The following SERPINH1 variants were observed in gnomAD, a reference collection of about 807,000 sequenced individuals.
SERPINH1 encodes serpin family H member 1, also known as serpin H1.
Under a neutral mutation model 32.3 loss-of-function variants are expected in SERPINH1, and 22 were observed. The ratio of observed to expected loss-of-function variants is 0.68; its 90% confidence interval spans 0.49 to 0.97. The LOEUF is 0.97. SERPINH1 is among the 50% of genes least tolerant of loss of function. SERPINH1 has a pLI of 0.00. For synonymous variants in SERPINH1, 251 were observed against 245.9 expected, an observed-to-expected ratio of 1.02 and a Z score of -0.19; for missense variants, 543 against 576.4, an observed-to-expected ratio of 0.94 and a Z score of 0.59.
intron 4 of SERPINH1, among the ~76,000 whole-genome samples, chr11:75,569,612 G>A (rs559627757): frequency 5.3e-5 from 8 of 151,850 alleles, no homozygotes; most frequent in Non-Finnish European, 8.8e-5. Flanking sequence ...TAATAGAGAC[G>A]GGATTTCACC....
In SERPINH1 at chr11:75,569,103, A is replaced by G. The variant is rs1565243286; in HGVS notation, c.886A>G (p.Lys296Glu). ...AGAGCAGCTGAAGATCTGGATGGGG[A>G]AGATGCAGAAGAAGGCTGTTGCCAT... is the stretch of plus-strand genomic sequence containing the variant. The part of the protein sequence containing the change: ...TKEQLKIWMG[K>E]MQKKAVAISL... The change falls in exon 4 of 5, where the codon AAG (lysine) becomes GAG (glutamate). Residue 296 changes from lysine to glutamate, a missense_variant. Coordinates refer to ENST00000358171, the MANE Select transcript of SERPINH1 (RefSeq NM_001235.5). The G allele has an allele frequency of 6.2e-7, 1 of 1,614,046 alleles. No homozygotes were observed. Among genetic ancestry groups the G allele is most frequent in the Non-Finnish European group, 8.5e-7 (1 of 1,180,010 alleles).
chr11:75,566,907 C>T lies in SERPINH1; in HGVS notation c.558C>T (p.Pro186=), dbSNP rs535816918. ...CGCAGACCACCGACGGCAAGCTGCC[C>T]GAGGTCACCAAGGACGTGGAGCGCA... is the stretch of plus-strand genomic sequence containing the variant. ...WAAQTTDGKL[P]EVTKDVERTD... The change falls in exon 2 of 5, where the codon CCC becomes CCT. Residue 186 remains proline, a synonymous_variant. Coordinates refer to ENST00000358171, the MANE Select transcript of SERPINH1 (RefSeq NM_001235.5). 1.2e-6 allele frequency: 2 copies of T among 1,608,072 alleles called. No homozygotes were observed. The highest frequency in any genetic ancestry group is 1.3e-5 in the African/African-American group (1 of 75,054).
rs1426223421 is a variant in SERPINH1, at chr11:75,569,033, C to T, written c.816C>T (p.Pro272=). 6.2e-7 allele frequency: 1 copy of T among 1,614,228 alleles called. No homozygotes were observed. The highest frequency in any genetic ancestry group is 1.7e-5 in the Admixed American group (1 of 60,028). The change falls in exon 4 of 5, where the codon CCC becomes CCT. Residue 272 remains proline (P), a synonymous_variant. Transcript: ENST00000358171. ...HKLSSLIILM[P]HHVEPLERLE... is the part of the protein sequence containing the mutation. Reference sequence around the variant, plus strand: ...TCTCCAGCCTCATCATCCTCATGCCCCATCACGTGGAGCCTCTCGAGCGCC... The same window carrying T: ...TCTCCAGCCTCATCATCCTCATGCCTCATCACGTGGAGCCTCTCGAGCGCC...
rs1314939459 is a variant in SERPINH1 at position 75,566,676 on chromosome 11, C to T, written c.327C>T (p.Ala109=). ...AEQLRDEEVH[A]GLGELLRSLS... ...AGCTGCGCGACGAGGAGGTGCACGC[C>T]GGCCTGGGCGAGCTGCTGCGCTCAC... The change falls in exon 2 of 5, where the codon GCC becomes GCT. Residue 109 remains alanine (A), a synonymous_variant. Transcript: ENST00000358171. 5 of 1,608,630 alleles carry T rather than the reference C, an allele frequency of 3.1e-6. No homozygotes were observed. Among genetic ancestry groups the T allele is most frequent in the Middle Eastern group, 1.7e-4 (1 of 5,926 alleles).
At chr11:75,567,910 A>G (rs1248625278) in intron 2 of SERPINH1, 4 of 152,508 alleles carry the variant, frequency 2.6e-5, no homozygotes, top group Non-Finnish European at 4.4e-5. Context: ...GGATTGGAAC[A>G]CAGGTCTGGC....
intron 4 of SERPINH1, chr11:75,569,513 C>T (rs1942160772): frequency 5.2e-6 from 1 of 191,846 alleles, no homozygotes; most frequent in Non-Finnish European, 1.1e-5. Flanking sequence ...ACCTCCACTT[C>T]CTGGGTTCAA....
At chr11:75,567,787 C>T (rs1942116981) in intron 2 of SERPINH1, 1 of 152,164 alleles carries the variant, frequency 6.6e-6, no homozygotes, top group African/African-American at 2.4e-5. Context: ...TTTTTGAGTA[C>T]CTCCATAGAC....
Position 75,566,717 on chromosome 11 carries a change from C to T in SERPINH1, c.368C>T (p.Ala123Val), listed in dbSNP as rs769054443. 7.4e-6 allele frequency: 12 copies of T among 1,612,262 alleles called. No individual in the cohort carries two copies. In the East Asian group the frequency reaches 1.1e-4, roughly 15 times the overall value. Residue 123 changes from alanine to valine, a missense_variant, in exon 2 of 5, where the codon GCG becomes GTG. Around this residue, in one of 3 missense-constraint regions of SERPINH1, gnomAD observed 427 missense variants for 446.4 expected, o/e 0.96. Transcript: ENST00000358171. ...CTGCGCTCACTCAGCAACTCCACGG[C>T]GCGCAACGTGACCTGGAAGCTGGGC... ...ELLRSLSNST[A>V]RNVTWKLGSR...
chr11:75,570,742 T>C (rs1942182374), intron 4 of SERPINH1, among the ~76,000 whole-genome samples: 1 of 152,180 alleles, frequency 6.6e-6, no homozygotes, highest in African/African-American at 2.4e-5. Context: ...TCTCCTGCAT[T>C]GAGAGCCAGG....
intron 1 of SERPINH1, chr11:75,562,530 C>G (rs1022180041): frequency 6.6e-6 from 1 of 152,280 alleles, no homozygotes; most frequent in Non-Finnish European, 1.5e-5. Context: ...CAGCTGAGGG[C>G]TAGGGCGGAG....
At position 75,571,860 on chromosome 11, in the gene SERPINH1, A is replaced by C. The variant is rs1592205662; in HGVS notation, c.1034A>C (p.Asp345Ala). ...TTGTCACGCATGTCAGGCAAGAAGG[A>C]CCTGTACCTGGCCAGCGTGTTCCAC... ...ADLSRMSGKK[D>A]LYLASVFHAT... The change falls in exon 5 of 5, where the codon GAC (aspartate) becomes GCC (alanine). Residue 345 changes from aspartate (D) to alanine (A), a missense_variant. Around this residue, in one of 3 missense-constraint regions of SERPINH1, gnomAD observed 427 missense variants for 446.4 expected, o/e 0.96. Coordinates refer to ENST00000358171, the MANE Select transcript of SERPINH1 (RefSeq NM_001235.5). The C allele has an allele frequency of 1.2e-6, 2 of 1,614,152 alleles. No individual in the cohort carries two copies. The highest frequency in any genetic ancestry group is 1.7e-6 in the Non-Finnish European group (2 of 1,180,012).
rs528442568 is a variant in SERPINH1, at chr11:75,569,216, G to C, written c.954+45G>C. 17 of 1,454,280 alleles carry C rather than the reference G, an allele frequency of 1.2e-5. No homozygotes were observed. In the East Asian group the frequency reaches 4.2e-4, roughly 36 times the overall value. The allele number at this position is 1,454,280 out of a possible 1,614,324, so 90.1% of individuals were successfully genotyped here. On this transcript the variant is annotated intron_variant, in intron 4 of 4. Coordinates refer to ENST00000358171, the MANE Select transcript of SERPINH1 (RefSeq NM_001235.5). ...AGGGGCCTGCAGGCCTTGGAGCCAG[G>C]GGGAGGTGCTTGGGGGACCCACTCA...
chr11:75,571,749 G>A (rs936733224), intron 4 of SERPINH1, 32 bp from the exon 5 acceptor site: 2 of 1,605,530 alleles, frequency 1.2e-6, no homozygotes, highest in Non-Finnish European at 1.7e-6. Context: ...GGCAGCCATG[G>A]CCTCACCTGG....
At chr11:75,570,957 C>G (rs772125074) in intron 4 of SERPINH1, among the ~76,000 whole-genome samples, 2 of 152,098 alleles carry the variant, frequency 1.3e-5, no homozygotes, top group African/African-American at 2.4e-5. Context: ...GTGAGGCTGT[C>G]TGGAGAGTGG....
At chr11:75,570,152 T>C (rs1440698299) in intron 4 of SERPINH1, among the ~76,000 whole-genome samples, 2 of 152,140 alleles carry the variant, frequency 1.3e-5, no homozygotes, top group Non-Finnish European at 2.9e-5. Context: ...AGCCGCCTTT[T>C]TGTCAATCGA....
At chr11:75,563,842 C>T (rs1012331142) in intron 1 of SERPINH1, 1 of 152,888 alleles carries the variant, frequency 6.5e-6, no homozygotes. Flanking sequence ...CCCTTCCAGA[C>T]CCTGCTCAGT....
chr11:75,572,188 C>A lies in SERPINH1; in HGVS notation c.*105C>A. 8.9e-6 allele frequency: 10 copies of A among 1,120,620 alleles called. No homozygotes were observed. Among genetic ancestry groups the A allele is most frequent in the South Asian group, 1.3e-5 (1 of 75,782 alleles). 69.4% of individuals were successfully genotyped at this position (1,120,620 alleles called of 1,614,324 possible). On this transcript the variant is annotated 3_prime_UTR_variant, in exon 5 of 5. Coordinates refer to ENST00000358171, the MANE Select transcript of SERPINH1 (RefSeq NM_001235.5). ...GGTGAGGTACCAGCCTTGGATACTCCATGGGGTGGGGGTGGAAAAACAGAC... is the reference window on the plus strand; with the variant it reads ...GGTGAGGTACCAGCCTTGGATACTCAATGGGGTGGGGGTGGAAAAACAGAC...
At chr11:75,564,226 C>T (rs566108310) in intron 1 of SERPINH1, among the ~76,000 whole-genome samples, 2 of 152,244 alleles carry the variant, frequency 1.3e-5, no homozygotes, top group African/African-American at 4.8e-5. Flanking sequence ...CTGCCTGCCA[C>T]GTCACCACCA....
chr11:75,566,214 C>G, intron 1 of SERPINH1, 102 bp from the exon 2 acceptor site: 1 of 1,064,530 alleles, frequency 9.4e-7, no homozygotes, highest in Non-Finnish European at 1.4e-6. Flanking sequence ...GGCTCTCTTG[C>G]CCCCATCTCC....
Sources: allele counts gnomAD v4.1 joint callset (sites outside exome capture counted in the v4.1 genomes callset), GRCh38; gene constraint gnomAD v4.1.1; regional missense constraint gnomAD v4.1.1; transcripts MANE v1.5; gene names NCBI Gene and HGNC (gene_info 2026-07-23, HGNC 2026-07-21).